Variants in SNRK observed in about 807,000 individuals in gnomAD.
SNRK encodes the protein SNF related kinase.
SNRK carries 3 observed loss-of-function variants against 48.2 expected under a neutral mutation model. The observed-to-expected ratio is 0.06, with a 90% CI of 0.03 to 0.16. The LOEUF is 0.16. Ranked by LOEUF, SNRK falls within the 10% of genes least tolerant of loss-of-function variation. The probability of loss-of-function intolerance (pLI) is 1.00; values close to 1 mark genes in which losing one functional copy is unlikely to be tolerated. For synonymous variants in SNRK, 376 were observed against 366.1 expected (o/e 1.03, Z -0.31); for missense variants, 627 against 976.0 (o/e 0.64, Z 4.76).
intron 3 of SNRK, among the ~76,000 whole-genome samples, chr3:43,329,700 A>G (rs1299211496): frequency 6.6e-6 from 1 of 152,146 alleles, no homozygotes; most frequent in Non-Finnish European, 1.5e-5. Flanking sequence ...CTGTATATTT[A>G]TGTTGCTTTT....
chr3:43,292,582 C>G (rs1204399547), intron 1 of SNRK, among the ~76,000 whole-genome samples: 1 of 152,226 alleles, frequency 6.6e-6, no homozygotes, highest in Non-Finnish European at 1.5e-5. Context: ...TCAGCTGCCT[C>G]TCTTAAAATT....
chr3:43,327,531 A>G (rs1015097893), intron 3 of SNRK, among the ~76,000 whole-genome samples: 1 of 152,208 alleles, frequency 6.6e-6, no homozygotes, highest in Non-Finnish European at 1.5e-5. Flanking sequence ...AAGGAAAAAA[A>G]TAGAGGTTTC....
chr3:43,339,460 G>GTTGC (rs2091215731), intron 4 of SNRK, among the ~76,000 whole-genome samples: 3 of 152,108 alleles, frequency 2.0e-5, no homozygotes, highest in Non-Finnish European at 4.4e-5. Context: ...TTCATTTTTA[G>GTTGC]TTGCTGAGTG....
At position 43,347,320 on chromosome 3, in the gene SNRK, C is replaced by G. The variant is rs749738097; in HGVS notation, c.1080-19C>G. On this transcript the variant is annotated intron_variant, in intron 6 of 6. Coordinates refer to ENST00000296088, the MANE Select transcript of SNRK (RefSeq NM_017719.5). This position sits in a 1 kb window ranked among gnomAD's most constrained non-coding sequence, Gnocchi z 5.4. ...AATGATTATATGGCTTTTTTCCCCC[C>G]AATCTATCTGTTACATAGGCAGTCA... 1 of 1,528,184 alleles carries G rather than the reference C, an allele frequency of 6.5e-7. No homozygotes were observed. Among genetic ancestry groups the G allele is most frequent in the South Asian group, 1.3e-5 (1 of 77,086 alleles). 94.7% of individuals were successfully genotyped at this position (1,528,184 alleles called of 1,614,324 possible). A position where few individuals can be genotyped will look rare whatever the true frequency, so the allele number is the denominator to read the frequency against.
intron 5 of SNRK, among the ~76,000 whole-genome samples, chr3:43,342,381 A>G (rs1267904025): frequency 6.6e-6 from 1 of 152,146 alleles, no homozygotes; most frequent in Non-Finnish European, 1.5e-5. Flanking sequence ...TCCAAACCCA[A>G]GCCAACTCCT....
intron 5 of SNRK, chr3:43,343,119 G>A (rs1452569743): frequency 2.4e-5 from 11 of 466,980 alleles, no homozygotes; most frequent in East Asian, 8.5e-5. Context: ...TCTCATTTAC[G>A]AAAAATCTTC....
intron 4 of SNRK, among the ~76,000 whole-genome samples, chr3:43,334,426 A>C (rs928495384): frequency 6.6e-6 from 1 of 151,786 alleles, no homozygotes. Context: ...GCACCACTGC[A>C]CTCCAGTCTG....
intron 3 of SNRK, among the ~76,000 whole-genome samples, chr3:43,313,909 T>A (rs533984404): frequency 1.3e-5 from 2 of 152,210 alleles, no homozygotes; most frequent in Non-Finnish European, 2.9e-5. Context: ...AAGGCAAGTA[T>A]CCCAGTGTGA....
In SNRK at chr3:43,348,100, G is replaced by C; in HGVS notation, c.1841G>C (p.Gly614Ala). 2 of 1,587,678 alleles carry C rather than the reference G, an allele frequency of 1.3e-6. No homozygotes were observed. Among genetic ancestry groups the C allele is most frequent in the South Asian group, 2.3e-5 (2 of 86,746 alleles). ...GGGSPSSGSG[G>A]NPTNTSGTTR... ...GGCAGTCCCTCCAGCGGCTCGGGTG[G>C]CAACCCCACCAATACATCGGGTACC... The change falls in exon 7 of 7, where the codon GGC becomes GCC. Residue 614 changes from glycine (G) to alanine (A), a missense_variant. Transcript: ENST00000296088.
intron 1 of SNRK, among the ~76,000 whole-genome samples, chr3:43,289,453 G>A (rs1158357630): frequency 1.3e-5 from 2 of 152,140 alleles, no homozygotes; most frequent in African/African-American, 2.4e-5. Context: ...GGAGGAGAAG[G>A]ATTTTGGTGA....
intron 5 of SNRK, among the ~76,000 whole-genome samples, chr3:43,341,348 T>C (rs1283732801): frequency 6.6e-6 from 1 of 152,126 alleles, no homozygotes; most frequent in Non-Finnish European, 1.5e-5. Flanking sequence ...AGACGGAGTT[T>C]CACTGTGTTA....
rs1425170410 is a variant in SNRK, at chr3:43,286,597, T to TG, written c.-244dup. 11 of 150,196 alleles carry TG rather than the reference T, an allele frequency of 7.3e-5. No homozygotes were observed. The highest frequency in any genetic ancestry group is 1.5e-4 in the Non-Finnish European group (10 of 67,294). The allele number at this position is 150,196 out of a possible 1,614,324, so 9.3% of individuals were successfully genotyped here. ...GCCCGCTCGGTATTATGATTAGCGCTGGGTGCGGGGTTTCGGCGGCCGGGA... is the reference window on the plus strand; with the variant it reads ...GCCCGCTCGGTATTATGATTAGCGCTGGGGTGCGGGGTTTCGGCGGCCGGGA... On this transcript the variant is annotated 5_prime_UTR_variant, in exon 1 of 7. It introduces an in-frame stop codon into an upstream open reading frame of the 5' UTR. Coordinates refer to ENST00000296088, the MANE Select transcript of SNRK (RefSeq NM_017719.5).
At chr3:43,328,659 C>CA (rs2091121266) in intron 3 of SNRK, among the ~76,000 whole-genome samples, 1 of 152,176 alleles carries the variant, frequency 6.6e-6, no homozygotes. Flanking sequence ...TCTGGGGACC[C>CA]AAGCTCCTGA....
chr3:43,345,381 A>C (rs931818239), intron 6 of SNRK, among the ~76,000 whole-genome samples: 2 of 152,170 alleles, frequency 1.3e-5, no homozygotes, highest in African/African-American at 4.8e-5. Flanking sequence ...TAAAATGGCA[A>C]CTAGCTGGGC....
intron 1 of SNRK, among the ~76,000 whole-genome samples, chr3:43,296,415 C>CATATATATATATATGTATAT (rs1553632568): frequency 7.9e-6 from 1 of 127,242 alleles, no homozygotes; most frequent in African/African-American, 3.4e-5. Flanking sequence ...GATATACTGG[C>CATATATATATATATGTATAT]ATATATATAT....
At chr3:43,316,401 A>G (rs1046061832) in intron 3 of SNRK, among the ~76,000 whole-genome samples, 3 of 152,116 alleles carry the variant, frequency 2.0e-5, no homozygotes, top group Non-Finnish European at 4.4e-5. Flanking sequence ...TGTGATTCAC[A>G]TTGACTTGGC....
At chr3:43,313,811 T>C (rs527676507) in intron 3 of SNRK, among the ~76,000 whole-genome samples, 7 of 152,354 alleles carry the variant, frequency 4.6e-5, no homozygotes, top group Non-Finnish European at 1.0e-4. Flanking sequence ...AACTTACCTT[T>C]CCATTTGTTT....
intron 1 of SNRK, among the ~76,000 whole-genome samples, chr3:43,297,506 A>G (rs576452052): frequency 1.8e-4 from 27 of 152,286 alleles, no homozygotes; most frequent in Admixed American, 9.2e-4. Flanking sequence ...TTATGAATAG[A>G]AAATAATTTG....
intron 6 of SNRK, among the ~76,000 whole-genome samples, chr3:43,346,638 G>A (rs974066082): frequency 2.6e-5 from 4 of 152,232 alleles, no homozygotes; most frequent in Admixed American, 2.6e-4. Context: ...CTATTCGAGA[G>A]GCTGAAGTGG....
Sources: gnomAD v4.1 joint callset for allele counts (sites outside exome capture counted in the v4.1 genomes callset) on GRCh38, gnomAD v4.1.1 for gene constraint, Gnocchi (gnomAD v3.1) non-coding constraint, MANE v1.5 for transcripts, NCBI Gene and HGNC (gene_info 2026-07-23, HGNC 2026-07-21) for gene names.